C1QTNF7: variants seen among roughly 807,000 people sequenced by gnomAD.
C1QTNF7 encodes the protein C1q and TNF related 7, also known as complement C1q tumor necrosis factor-related protein 7.
In C1QTNF7, 15 loss-of-function variants were observed where a neutral mutation model predicts 19.6. The observed-to-expected ratio is 0.76, with a 90% CI of 0.51 to 1.18. The LOEUF (loss-of-function observed/expected upper bound fraction) is 1.18. Ranked by LOEUF, C1QTNF7 falls within the 50% of genes most tolerant of loss-of-function variation. C1QTNF7 has a pLI of 0.00. For missense variants in C1QTNF7, 324 were observed against 359.7 expected (o/e 0.90, Z 0.80); for synonymous variants, 142 against 137.5 (o/e 1.03, Z -0.23).
At chr4:15,368,688 A>T (rs568926379) in intron 1 of C1QTNF7, among the ~76,000 whole-genome samples, 1 of 152,294 alleles carries the variant, frequency 6.6e-6, no homozygotes, top group South Asian at 2.1e-4. Flanking sequence ...TCCATTCTAT[A>T]ATTGATGGGC....
intron 1 of C1QTNF7, among the ~76,000 whole-genome samples, chr4:15,376,561 A>G (rs1717947915): frequency 6.6e-6 from 1 of 152,234 alleles, no homozygotes. Context: ...GAGTTGATAT[A>G]GACAAAGTAT....
At chr4:15,407,308 C>T (rs1051177026) in intron 1 of C1QTNF7, among the ~76,000 whole-genome samples, 9 of 152,204 alleles carry the variant, frequency 5.9e-5, no homozygotes, top group African/African-American at 1.9e-4. Context: ...GCCAAATTCA[C>T]TTCATCCACA....
intron 1 of C1QTNF7, among the ~76,000 whole-genome samples, chr4:15,353,519 C>A (rs1717008588): frequency 6.6e-6 from 1 of 152,098 alleles, no homozygotes; most frequent in Non-Finnish European, 1.5e-5. Flanking sequence ...GTGTATCAGA[C>A]CAAATCGGTC....
chr4:15,377,244 C>T (rs755624696), intron 1 of C1QTNF7, among the ~76,000 whole-genome samples: 3 of 152,126 alleles, frequency 2.0e-5, no homozygotes, highest in Non-Finnish European at 2.9e-5. Flanking sequence ...ACATTTTCCC[C>T]AACTCAAATT....
At chr4:15,409,218 A>G (rs1379579025) in intron 1 of C1QTNF7, among the ~76,000 whole-genome samples, 5 of 152,238 alleles carry the variant, frequency 3.3e-5, no homozygotes, top group Non-Finnish European at 7.3e-5. Context: ...TGCAGCTGAA[A>G]TATTATTGAC....
At chr4:15,420,921 G>A (rs13132604) in intron 1 of C1QTNF7, among the ~76,000 whole-genome samples, 1 of 139,482 alleles carries the variant, frequency 7.2e-6, no homozygotes, top group African/African-American at 2.8e-5. Context: ...CCCAGCTCTC[G>A]CTCCAATGTG....
At chr4:15,404,100 GT>G (rs1719104260) in intron 1 of C1QTNF7, among the ~76,000 whole-genome samples, 1 of 149,264 alleles carries the variant, frequency 6.7e-6, no homozygotes, top group Admixed American at 6.6e-5. Flanking sequence ...TATTTAAGTA[GT>G]TTCTTTAACT....
At chr4:15,339,971 G>A (rs1413443655) in exon 1 of C1QTNF7, 1 of 620,354 alleles carries the variant, frequency 1.6e-6, no homozygotes, top group East Asian at 2.8e-5. Context: ...AACTGAGAAA[G>A]ACAGTTGCAA....
upstream of C1QTNF7, among the ~76,000 whole-genome samples, chr4:15,427,124 A>G (rs1712085991): frequency 6.6e-6 from 1 of 152,240 alleles, no homozygotes; most frequent in Non-Finnish European, 1.5e-5. Flanking sequence ...AGCTGGTCAG[A>G]ACGGGGAGCC....
intron 1 of C1QTNF7, among the ~76,000 whole-genome samples, chr4:15,388,304 C>T (rs1017713086): frequency 1.3e-5 from 2 of 152,102 alleles, no homozygotes; most frequent in Admixed American, 6.6e-5. Context: ...TGAGGTGAAC[C>T]ATCATATGTT....
intron 1 of C1QTNF7, among the ~76,000 whole-genome samples, chr4:15,367,408 A>C (rs540798873): frequency 5.3e-4 from 80 of 152,324 alleles, no homozygotes; most frequent in South Asian, 1.0e-3. Flanking sequence ...CAGCATTCAT[A>C]TATCACTTAT....
At chr4:15,369,101 T>TCA (rs1325315600) in intron 1 of C1QTNF7, among the ~76,000 whole-genome samples, 1 of 152,246 alleles carries the variant, frequency 6.6e-6, no homozygotes, top group African/African-American at 2.4e-5. Flanking sequence ...GTCATAGTGT[T>TCA]CATTTCCCTC....
intron 1 of C1QTNF7, among the ~76,000 whole-genome samples, chr4:15,383,928 A>G (rs950838284): frequency 6.6e-6 from 1 of 152,256 alleles, no homozygotes; most frequent in African/African-American, 2.4e-5. Context: ...GCAACCAGCC[A>G]GTGGTAGAAA....
intron 1 of C1QTNF7, among the ~76,000 whole-genome samples, chr4:15,364,801 C>T (rs1409475998): frequency 3.3e-5 from 5 of 152,098 alleles, no homozygotes. Flanking sequence ...ATGATCATGA[C>T]AATTCAAAGT....
rs1226996127 is a variant in C1QTNF7, at chr4:15,442,554, G to A, written c.625G>A (p.Gly209Arg). 13 of 1,613,926 alleles carry A rather than the reference G, an allele frequency of 8.1e-6. No individual in the cohort carries two copies. The highest frequency in any genetic ancestry group is 5.0e-5 in the Admixed American group (3 of 59,988). ...ATTGGCTAATAAGCATCTGGCAATC[G>A]GACTGGTACACAATGGGCAATACCG... Reference protein sequence around the residue: ...ITLANKHLAIGLVHNGQYRIK... With the variant: ...ITLANKHLAIRLVHNGQYRIK... The change falls in exon 3 of 3, where the codon GGA (glycine) becomes AGA (arginine). Residue 209 changes from glycine (G) to arginine (R), a missense_variant. Transcript: ENST00000444304.
chr4:15,363,588 C>T (rs1441246997), intron 1 of C1QTNF7, among the ~76,000 whole-genome samples: 1 of 152,134 alleles, frequency 6.6e-6, no homozygotes, highest in African/African-American at 2.4e-5. Context: ...TTATTATTGT[C>T]CCAACTCGGT....
intron 1 of C1QTNF7, among the ~76,000 whole-genome samples, chr4:15,388,962 T>A (rs1202135248): frequency 6.6e-6 from 1 of 152,166 alleles, no homozygotes; most frequent in Admixed American, 6.5e-5. Flanking sequence ...CCATATCACC[T>A]CCAGGCTCAG....
At chr4:15,343,078 C>T (rs1403767202) in intron 1 of C1QTNF7, among the ~76,000 whole-genome samples, 1 of 152,154 alleles carries the variant, frequency 6.6e-6, no homozygotes, top group African/African-American at 2.4e-5. Flanking sequence ...AGAATGTTAG[C>T]TATTCTTATT....
intron 1 of C1QTNF7, among the ~76,000 whole-genome samples, chr4:15,368,615 T>A (rs762479329): frequency 2.0e-5 from 3 of 152,242 alleles, no homozygotes; most frequent in Admixed American, 6.5e-5. Context: ...ACAAAGGACA[T>A]GAACTCATCC....
Sources: allele counts gnomAD v4.1 joint callset (sites outside exome capture counted in the v4.1 genomes callset), GRCh38; gene constraint gnomAD v4.1.1; transcripts MANE v1.5; gene names NCBI Gene and HGNC (gene_info 2026-07-23, HGNC 2026-07-21).